FREM3: variants seen among roughly 807,000 people sequenced by gnomAD.
The protein encoded by FREM3 is FRAS1-related extracellular matrix protein 3.
A neutral mutation model predicts 129.1 loss-of-function variants in FREM3; 105 were observed. That is an observed-to-expected ratio of 0.81 (90% CI 0.69 to 0.96). The LOEUF is 0.96. FREM3 is among the 40% of genes least tolerant of loss of function. The pLI is 0.00. For missense variants in FREM3, 2,593 were observed against 2,666.3 expected, an observed-to-expected ratio of 0.97 and a Z score of 0.61; for synonymous variants, 1,014 against 1,044.9, an observed-to-expected ratio of 0.97 and a Z score of 0.57.
chr4:143,591,369 G>A (rs1738358223), intron 6 of FREM3, among the ~76,000 whole-genome samples: 1 of 152,064 alleles, frequency 6.6e-6, no homozygotes, highest in Admixed American at 6.5e-5. Context: ...TTTCTCTTGT[G>A]GGCATTTAGT....
At chr4:143,694,301 T>C (rs1740527100) in intron 1 of FREM3, among the ~76,000 whole-genome samples, 1 of 152,220 alleles carries the variant, frequency 6.6e-6, no homozygotes, top group African/African-American at 2.4e-5. Context: ...TTGAATCTTC[T>C]GCACAAGTAT....
chr4:143,588,713 T>A (rs1337482078), intron 6 of FREM3, among the ~76,000 whole-genome samples: 1 of 151,748 alleles, frequency 6.6e-6, no homozygotes, highest in Non-Finnish European at 1.5e-5. Context: ...TACGTGTGCA[T>A]GTGTCTTTAT....
At chr4:143,577,942 G>T in intron 7 of FREM3, 90 bp from the exon 8 acceptor site, 1 of 1,334,874 alleles carries the variant, frequency 7.5e-7, no homozygotes, top group Non-Finnish European at 1.0e-6. Flanking sequence ...CCAACTCTGC[G>T]GCATTCACCT....
intron 6 of FREM3, among the ~76,000 whole-genome samples, chr4:143,588,788 T>G (rs1738295465): frequency 6.6e-6 from 1 of 150,842 alleles, no homozygotes; most frequent in Non-Finnish European, 1.5e-5. Context: ...CAAATGGTAT[T>G]TCTAGTTCTA....
chr4:143,612,905 G>A (rs918087288), intron 5 of FREM3, among the ~76,000 whole-genome samples: 1 of 152,158 alleles, frequency 6.6e-6, no homozygotes, highest in Non-Finnish European at 1.5e-5. Context: ...GTGAGATTCT[G>A]GACTGGATGC....
intron 2 of FREM3, among the ~76,000 whole-genome samples, chr4:143,653,830 T>G (rs949835535): frequency 1.3e-5 from 2 of 152,278 alleles, no homozygotes; most frequent in African/African-American, 4.8e-5. Context: ...TTCAAAAAAC[T>G]TCCCAGGTAA....
At chr4:143,664,621 T>G (rs1578858575) in intron 2 of FREM3, among the ~76,000 whole-genome samples, 1 of 152,154 alleles carries the variant, frequency 6.6e-6, no homozygotes, top group East Asian at 1.9e-4. Context: ...TTCAAAGCTG[T>G]CAGACTTGGA....
chr4:143,669,439 G>A (rs1008919693), intron 2 of FREM3, among the ~76,000 whole-genome samples: 2 of 152,060 alleles, frequency 1.3e-5, no homozygotes, highest in East Asian at 3.9e-4. Context: ...GCCACGCCTG[G>A]CTATTGTTTA....
At chr4:143,631,081 CAAATCAGAGAT>C (rs1213205389) in intron 2 of FREM3, among the ~76,000 whole-genome samples, 1 of 152,124 alleles carries the variant, frequency 6.6e-6, no homozygotes, top group African/African-American at 2.4e-5. Flanking sequence ...TGAAGCAACA[CAAATCAGAGAT>C]AAATGGCTCC....
At chr4:143,586,459 C>T (rs143256779) in intron 6 of FREM3, among the ~76,000 whole-genome samples, 1 of 152,106 alleles carries the variant, frequency 6.6e-6, no homozygotes, top group Non-Finnish European at 1.5e-5. Context: ...TTTCTTAGGG[C>T]ATTTGCTGAT....
intron 2 of FREM3, among the ~76,000 whole-genome samples, chr4:143,653,666 G>A (rs1462833155): frequency 6.6e-6 from 1 of 152,208 alleles, no homozygotes; most frequent in Non-Finnish European, 1.5e-5. Flanking sequence ...TACAAGAAGT[G>A]TACATGGGGC....
chr4:143,631,523 G>C (rs942257827), intron 2 of FREM3, among the ~76,000 whole-genome samples: 25 of 152,102 alleles, frequency 1.6e-4, no homozygotes, highest in Non-Finnish European at 7.4e-5. Context: ...CTAAATAGTA[G>C]AGATAATATC....
chr4:143,580,338 T>A (rs887807536), intron 7 of FREM3, among the ~76,000 whole-genome samples: 1 of 151,916 alleles, frequency 6.6e-6, no homozygotes. Flanking sequence ...ATCCCCACCG[T>A]GGGTAAATGG....
Position 143,629,043 on chromosome 4 carries a change from C to T in FREM3, c.5276-1283G>A, listed in dbSNP as rs541474227. 1.3e-4 allele frequency among the ~76,000 whole-genome samples: 20 copies of T among 152,170 alleles called. No individual in the cohort carries two copies. The South Asian group carries it at 2.1e-3, about 16-fold the overall frequency. On this transcript the variant is annotated intron_variant, in intron 2 of 7. Transcript: ENST00000329798. ...AGCTGGGAGCCAACCACCAGATTCC[C>T]GTGGGTTGCACAGGCGGTAAGAGAC...
intron 1 of FREM3, among the ~76,000 whole-genome samples, chr4:143,694,542 A>C (rs1264871806): frequency 6.6e-6 from 1 of 152,232 alleles, no homozygotes; most frequent in Non-Finnish European, 1.5e-5. Flanking sequence ...TGTTTATAGA[A>C]TAATTCTTAT....
chr4:143,583,105 G>A (rs1417098562), intron 7 of FREM3, among the ~76,000 whole-genome samples: 1 of 151,924 alleles, frequency 6.6e-6, no homozygotes, highest in Admixed American at 6.6e-5. Flanking sequence ...TTGGACTCAA[G>A]CAATCCACCT....
At chr4:143,592,858 C>A (rs556865370) in intron 6 of FREM3, among the ~76,000 whole-genome samples, 1,965 of 152,224 alleles carry the variant, frequency 0.013, 40 homozygotes, top group African/African-American at 0.045. Flanking sequence ...CCATTCTCCC[C>A]GTCACTTTCA....
rs1249683744 is a variant in FREM3 at position 143,696,347 on chromosome 4, G to T, written c.4329C>A (p.Thr1443=). The T allele has an allele frequency of 1.3e-6, 2 of 1,537,272 alleles. No individual in the cohort carries two copies. Among genetic ancestry groups the T allele is most frequent in the Admixed American group, 3.9e-5 (2 of 50,992 alleles). The part of the protein sequence containing the change: ...RITLIEGARV[T]LTNNLLTNSD... ...TGTTGGTAAGCAGATTGTTGGTAAG[G>T]GTCACTCTGGCACCTTCTATCAAGG... Residue 1443 remains threonine (T), a synonymous_variant, in exon 1 of 8, where the codon ACC becomes ACA. Coordinates refer to ENST00000329798, the MANE Select transcript of FREM3 (RefSeq NM_001168235.2).
chr4:143,620,459 G>A (rs1246742191), intron 5 of FREM3, among the ~76,000 whole-genome samples: 1 of 152,168 alleles, frequency 6.6e-6, no homozygotes, highest in African/African-American at 2.4e-5. Flanking sequence ...AGATGTTAGA[G>A]AATATGATCC....
Sources: gnomAD v4.1 joint callset for allele counts (sites outside exome capture counted in the v4.1 genomes callset) on GRCh38, gnomAD v4.1.1 for gene constraint, MANE v1.5 for transcripts, NCBI Gene and HGNC (gene_info 2026-07-23, HGNC 2026-07-21) for gene names.